Variants in ADAMTS3 observed in about 807,000 individuals in gnomAD.
The protein encoded by ADAMTS3 is ADAM metallopeptidase with thrombospondin type 1 motif 3, also known as A disintegrin and metalloproteinase with thrombospondin motifs 3.
ADAMTS3 carries 73 observed loss-of-function variants against 129.0 expected under a neutral mutation model. The ratio of observed to expected loss-of-function variants is 0.57; its 90% CI spans 0.47 to 0.69. The LOEUF (loss-of-function observed/expected upper bound fraction) is 0.69, where lower values mean the gene tolerates loss of function less well. ADAMTS3 is among the 30% of genes least tolerant of loss of function. ADAMTS3 has a pLI of 0.00. For synonymous variants in ADAMTS3, 477 were observed against 510.8 expected (o/e 0.93, Z 0.89); for missense variants, 1,457 against 1,514.5 (o/e 0.96, Z 0.63).
chr4:72,530,364 A>T (rs1252524620), intron 3 of ADAMTS3, among the ~76,000 whole-genome samples: 2 of 85,188 alleles, frequency 2.3e-5, no homozygotes, highest in African/African-American at 4.9e-5. Flanking sequence ...ATTAATATAT[A>T]AATATAATAT....
chr4:72,399,716 G>A (rs573571383), intron 4 of ADAMTS3, among the ~76,000 whole-genome samples: 4 of 129,240 alleles, frequency 3.1e-5, no homozygotes, highest in South Asian at 2.4e-4. Flanking sequence ...CGGTGTGTAC[G>A]CATATGTGTG....
chr4:72,313,233 C>G lies in ADAMTS3; in HGVS notation c.1745+444G>C, dbSNP rs139893163. ...GAATGAATAGATAACTTTCCCCCAA[C>G]AGTCACCTGGCCTTCTATCACAATC... On this transcript the variant is annotated intron_variant, in intron 12 of 21. Coordinates refer to ENST00000286657, the MANE Select transcript of ADAMTS3 (RefSeq NM_014243.3). 6.6e-3 allele frequency among the ~76,000 whole-genome samples: 1,011 copies of G among 152,296 alleles called. 6 individuals are homozygous for G. The highest frequency in any genetic ancestry group is 8.5e-3 in the Non-Finnish European group (576 of 68,028).
At chr4:72,391,839 C>T (rs960563238) in intron 4 of ADAMTS3, among the ~76,000 whole-genome samples, 1 of 151,960 alleles carries the variant, frequency 6.6e-6, no homozygotes, top group African/African-American at 2.4e-5. Flanking sequence ...CCTGTCAAGG[C>T]TATTACAGAT....
At chr4:72,529,835 A>G (rs1238518033) in intron 3 of ADAMTS3, among the ~76,000 whole-genome samples, 5 of 86,070 alleles carry the variant, frequency 5.8e-5, no homozygotes, top group Non-Finnish European at 1.0e-4. Flanking sequence ...AATATATAAC[A>G]TATAATATAT....
chr4:72,534,355 C>T (rs1328660351), intron 3 of ADAMTS3, among the ~76,000 whole-genome samples: 5 of 152,036 alleles, frequency 3.3e-5, no homozygotes, highest in African/African-American at 1.2e-4. Context: ...AGGAACATCA[C>T]AGTCCCAGAA....
rs113255443 is a variant in ADAMTS3 at position 72,461,806 on chromosome 4, C to T, written c.505-46835G>A. Among the ~76,000 whole-genome samples the T allele has an allele frequency of 4.3e-3, 647 of 152,032 alleles. 2 individuals are homozygous for T. Among genetic ancestry groups the T allele is most frequent in the African/African-American group, 0.015 (608 of 41,528 alleles). ...TGCTACATGCAATTCAGTTTTCACT[C>T]ACAGTTTTACTAGTAGTACTAATAC... On this transcript the variant is annotated intron_variant, in intron 3 of 21. Coordinates refer to ENST00000286657, the MANE Select transcript of ADAMTS3 (RefSeq NM_014243.3).
chr4:72,395,136 G>T (rs1458624177), intron 4 of ADAMTS3, among the ~76,000 whole-genome samples: 1 of 152,100 alleles, frequency 6.6e-6, no homozygotes, highest in Non-Finnish European at 1.5e-5. Flanking sequence ...TGTCGATCAG[G>T]CTGGTCTCAA....
chr4:72,563,804 T>G (rs1721960650), intron 2 of ADAMTS3, among the ~76,000 whole-genome samples: 1 of 152,186 alleles, frequency 6.6e-6, no homozygotes, highest in Non-Finnish European at 1.5e-5. Context: ...TCCTGCTTGC[T>G]AGATCTATTC....
At chr4:72,376,260 C>G (rs1370972004) in intron 4 of ADAMTS3, among the ~76,000 whole-genome samples, 2 of 152,142 alleles carry the variant, frequency 1.3e-5, no homozygotes, top group Non-Finnish European at 2.9e-5. Flanking sequence ...AGCCCAAGAT[C>G]AAGGTTAATA....
chr4:72,315,266 TC>T (rs1719361131), intron 11 of ADAMTS3, among the ~76,000 whole-genome samples: 1 of 152,172 alleles, frequency 6.6e-6, no homozygotes, highest in African/African-American at 2.4e-5. Flanking sequence ...CAAGTCTTAA[TC>T]CCCGGAACCT....
intron 5 of ADAMTS3, among the ~76,000 whole-genome samples, chr4:72,338,453 A>T (rs1272536658): frequency 6.6e-6 from 1 of 152,160 alleles, no homozygotes; most frequent in Non-Finnish European, 1.5e-5. Context: ...GAGATATGGT[A>T]TAAGTGTAAT....
At chr4:72,402,401 A>C (rs1447719093) in intron 4 of ADAMTS3, among the ~76,000 whole-genome samples, 8 of 152,218 alleles carry the variant, frequency 5.3e-5, no homozygotes, top group African/African-American at 1.9e-4. Context: ...ATAAATGATA[A>C]CAATAACATA....
chr4:72,540,612 G>A lies in ADAMTS3; in HGVS notation c.504+7866C>T, dbSNP rs139121057. The stretch of plus-strand genomic sequence containing the variant: ...TACCATCACACACCCGGAGGTCTAG[G>A]AGGAAAACATGATTTCATGGGCCAG... On this transcript the variant is annotated intron_variant, in intron 3 of 21. Transcript: ENST00000286657. 3.5e-3 allele frequency among the ~76,000 whole-genome samples: 534 copies of A among 152,292 alleles called. 7 individuals carry two copies. Among genetic ancestry groups the A allele is most frequent in the African/African-American group, 0.012 (518 of 41,564 alleles).
intron 9 of ADAMTS3, 63 bp from the exon 10 acceptor site, chr4:72,318,767 A>G: frequency 6.8e-7 from 1 of 1,478,156 alleles, no homozygotes; most frequent in African/African-American, 1.4e-5. Context: ...GTCCTGATTT[A>G]AAAAAAAGTA....
chr4:72,389,045 G>C (rs1158896286), intron 4 of ADAMTS3, among the ~76,000 whole-genome samples: 1 of 152,152 alleles, frequency 6.6e-6, no homozygotes, highest in Non-Finnish European at 1.5e-5. Context: ...CAAAATTCCA[G>C]ATTCCCAGAA....
At chr4:72,401,313 T>A (rs995409243) in intron 4 of ADAMTS3, among the ~76,000 whole-genome samples, 8 of 151,736 alleles carry the variant, frequency 5.3e-5, no homozygotes, top group African/African-American at 1.9e-4. Flanking sequence ...ACACCTGTAA[T>A]CCCAGCACTT....
intron 4 of ADAMTS3, among the ~76,000 whole-genome samples, chr4:72,400,885 A>C (rs559092218): frequency 4.3e-4 from 64 of 150,212 alleles, no homozygotes; most frequent in Middle Eastern, 6.9e-3. Flanking sequence ...TATATATTGG[A>C]TATATATATT....
At chr4:72,369,749 G>A (rs1720957975) in intron 4 of ADAMTS3, among the ~76,000 whole-genome samples, 1 of 143,458 alleles carries the variant, frequency 7.0e-6, no homozygotes. Context: ...AAAATAAACA[G>A]ACAAAGTACA....
chr4:72,320,214 C>T (rs1302857268), intron 7 of ADAMTS3, among the ~76,000 whole-genome samples: 1 of 152,114 alleles, frequency 6.6e-6, no homozygotes, highest in Non-Finnish European at 1.5e-5. Flanking sequence ...TTTCTTCTGC[C>T]CACCAGCTAA....
Sources: allele counts gnomAD v4.1 joint callset (sites outside exome capture counted in the v4.1 genomes callset), GRCh38; gene constraint gnomAD v4.1.1; transcripts MANE v1.5; gene names NCBI Gene and HGNC (gene_info 2026-07-23, HGNC 2026-07-21).